CRPPA: variants seen among roughly 807,000 people sequenced by gnomAD.
CRPPA encodes CDP-L-ribitol pyrophosphorylase A, also known as D-ribitol-5-phosphate cytidylyltransferase.
In CRPPA, 43 loss-of-function variants were observed where a neutral mutation model predicts 52.0. The ratio of observed to expected loss-of-function variants is 0.83; its 90% CI spans 0.65 to 1.07. The LOEUF (loss-of-function observed/expected upper bound fraction) is 1.07, where lower values mean the gene tolerates loss of function less well. Ranked by LOEUF, CRPPA falls within the 50% of genes least tolerant of loss-of-function variation. The pLI is 0.00. For synonymous variants in CRPPA, 250 were observed against 203.5 expected (o/e 1.23, Z -1.94); for missense variants, 629 against 551.7 (o/e 1.14, Z -1.40).
chr7:16,180,063 T>G (rs976552324), intron 9 of CRPPA, among the ~76,000 whole-genome samples: 1 of 152,110 alleles, frequency 6.6e-6, no homozygotes, highest in Non-Finnish European at 1.5e-5. Context: ...CGGAGATAAA[T>G]AAAATTTTAT....
chr7:16,410,838 G>T (rs953110805), intron 1 of CRPPA, among the ~76,000 whole-genome samples: 1 of 152,062 alleles, frequency 6.6e-6, no homozygotes. Flanking sequence ...CTCCCCGCCA[G>T]CCCTGCCCGA....
intron 9 of CRPPA, among the ~76,000 whole-genome samples, chr7:16,161,958 T>C (rs890427596): frequency 6.6e-6 from 1 of 152,232 alleles, no homozygotes; most frequent in South Asian, 2.1e-4. Context: ...TTCTAGACTT[T>C]CTAGTTTATT....
intron 9 of CRPPA, among the ~76,000 whole-genome samples, chr7:16,114,171 T>G (rs2128367847): frequency 6.6e-6 from 1 of 151,792 alleles, no homozygotes; most frequent in African/African-American, 2.4e-5. Context: ...GATGTGAAAC[T>G]TCTAACAAGC....
At chr7:16,105,205 G>T (rs966084606) in intron 9 of CRPPA, among the ~76,000 whole-genome samples, 1 of 152,158 alleles carries the variant, frequency 6.6e-6, no homozygotes, top group Admixed American at 6.5e-5. Context: ...GCAACTATCC[G>T]CAGACTGGAA....
At chr7:16,341,488 T>C (rs1329570251) in intron 3 of CRPPA, among the ~76,000 whole-genome samples, 1 of 152,224 alleles carries the variant, frequency 6.6e-6, no homozygotes, top group Non-Finnish European at 1.5e-5. Flanking sequence ...TTGCCTTTCA[T>C]ATTTAATTGA....
At chr7:16,390,998 C>T (rs1787427751) in intron 2 of CRPPA, among the ~76,000 whole-genome samples, 1 of 152,128 alleles carries the variant, frequency 6.6e-6, no homozygotes, top group African/African-American at 2.4e-5. Context: ...TTAATGACCA[C>T]ATGAAGTCCC....
intron 9 of CRPPA, among the ~76,000 whole-genome samples, chr7:16,135,535 C>G (rs1161179262): frequency 6.6e-6 from 1 of 152,048 alleles, no homozygotes; most frequent in African/African-American, 2.4e-5. Context: ...CTTAAAGAAG[C>G]AAACAGAAAC....
At chr7:16,409,848 C>G (rs1788036652) in intron 1 of CRPPA, among the ~76,000 whole-genome samples, 1 of 152,134 alleles carries the variant, frequency 6.6e-6, no homozygotes, top group Non-Finnish European at 1.5e-5. Flanking sequence ...TTTATTTCCT[C>G]TTCTAGAATG....
At chr7:16,338,872 G>A (rs183508967) in intron 3 of CRPPA, among the ~76,000 whole-genome samples, 4 of 147,872 alleles carry the variant, frequency 2.7e-5, no homozygotes, top group Middle Eastern at 3.5e-3. Flanking sequence ...CTGGAGTGCA[G>A]TGGCATGATC....
chr7:16,177,765 G>A (rs1274773964), intron 9 of CRPPA, among the ~76,000 whole-genome samples: 3 of 151,896 alleles, frequency 2.0e-5, no homozygotes, highest in African/African-American at 7.3e-5. Flanking sequence ...TTTTTAAACG[G>A]AAGTACACAG....
At chr7:16,250,470 G>A (rs1783416033) in intron 8 of CRPPA, among the ~76,000 whole-genome samples, 1 of 152,136 alleles carries the variant, frequency 6.6e-6, no homozygotes, top group African/African-American at 2.4e-5. Context: ...AGGGTAGCTG[G>A]AGAGAAAGGT....
chr7:16,351,723 A>G (rs543208142), intron 3 of CRPPA, among the ~76,000 whole-genome samples: 3 of 152,352 alleles, frequency 2.0e-5, no homozygotes, highest in Non-Finnish European at 4.4e-5. Flanking sequence ...ATACCATCTC[A>G]TGCCAGTTAG....
At chr7:16,226,518 A>G (rs1782655371) in intron 8 of CRPPA, among the ~76,000 whole-genome samples, 1 of 151,928 alleles carries the variant, frequency 6.6e-6, no homozygotes, top group South Asian at 2.1e-4. Context: ...ACAGTCTACA[A>G]GTGCACTGTA....
Position 16,333,116 on chromosome 7 carries a change from G to T in CRPPA, c.685-24489C>A, listed in dbSNP as rs1323453610. ...ACCTAACAAGAGAGGGTGAAAACAG[G>T]GTAAAACTGATAGATGTGTAAAATA... On this transcript the variant is annotated intron_variant, in intron 3 of 9. Transcript: ENST00000407010. 2.6e-5 allele frequency among the ~76,000 whole-genome samples: 4 copies of T among 152,166 alleles called. No individual in the cohort carries two copies. The East Asian group carries it at 5.8e-4, about 22-fold the overall frequency.
At chr7:16,278,332 T>G (rs558766518) in intron 5 of CRPPA, 106 bp from the exon 6 acceptor site, 1 of 634,432 alleles carries the variant, frequency 1.6e-6, no homozygotes, top group African/African-American at 1.8e-5. Flanking sequence ...TGACCAAGAA[T>G]AGGGAGGTTT....
chr7:16,333,688 T>C (rs1785612063), intron 3 of CRPPA, among the ~76,000 whole-genome samples: 1 of 152,128 alleles, frequency 6.6e-6, no homozygotes, highest in Non-Finnish European at 1.5e-5. Flanking sequence ...GCAAATAAAA[T>C]GGATGTAATG....
At chr7:16,216,398 C>A in intron 8 of CRPPA, 3 of 387,018 alleles carry the variant, frequency 7.8e-6, no homozygotes, top group East Asian at 4.6e-5. Flanking sequence ...AGTAAACACT[C>A]AGAGAAAACG....
chr7:16,278,209 T>C lies in CRPPA; in HGVS notation c.853A>G (p.Ile285Val). The C allele has an allele frequency of 6.4e-7, 1 of 1,552,032 alleles. No homozygotes were observed. ...SIIKERISQEICVVMDTEEDN... is the reference protein window; with the variant it reads ...SIIKERISQEVCVVMDTEEDN... ...TCTTCTGTATCCATAACTACACAAA[T>C]CTCTTGGGAAATTCTCTCTGAAATT... is the stretch of plus-strand genomic sequence containing the variant. The change falls in exon 6 of 10, where the codon ATT (isoleucine) becomes GTT (valine). Residue 285 changes from isoleucine (I) to valine (V), a missense_variant. Coordinates refer to ENST00000407010, the MANE Select transcript of CRPPA (RefSeq NM_001101426.4).
intron 9 of CRPPA, among the ~76,000 whole-genome samples, chr7:16,180,685 G>C (rs1199836658): frequency 1.3e-5 from 2 of 151,918 alleles, no homozygotes; most frequent in Non-Finnish European, 2.9e-5. Flanking sequence ...TTCTCCAATT[G>C]TTACAGTCAG....
Sources: allele counts gnomAD v4.1 joint callset (sites outside exome capture counted in the v4.1 genomes callset), GRCh38; gene constraint gnomAD v4.1.1; transcripts MANE v1.5; gene names NCBI Gene and HGNC (gene_info 2026-07-23, HGNC 2026-07-21).